The following DCDC1 variants were observed in gnomAD, a reference collection of about 807,000 sequenced individuals.
DCDC1 encodes the protein doublecortin domain-containing protein 1.
DCDC1 carries 200 observed loss-of-function variants against 178.3 expected under a neutral mutation model. The ratio of observed to expected loss-of-function variants is 1.12; its 90% CI spans 1.00 to 1.26. DCDC1 has a LOEUF of 1.26. Among genes scored for constraint, DCDC1 ranks in the 50% most tolerant of loss-of-function variants. DCDC1 has a pLI of 0.00. For synonymous variants in DCDC1, 690 were observed against 604.8 expected, an observed-to-expected ratio of 1.14 and a Z score of -2.07; for missense variants, 1,983 against 1,749.2, an observed-to-expected ratio of 1.13 and a Z score of -2.38.
At chr11:30,913,338 G>A (rs1945589184) in intron 27 of DCDC1, among the ~76,000 whole-genome samples, 1 of 152,032 alleles carries the variant, frequency 6.6e-6, no homozygotes, top group Non-Finnish European at 1.5e-5. Flanking sequence ...GAACCCGGGA[G>A]GCGGAGCTTG....
chr11:31,073,538 G>A (rs1011485028), intron 18 of DCDC1, among the ~76,000 whole-genome samples: 9 of 152,234 alleles, frequency 5.9e-5, no homozygotes, highest in South Asian at 2.1e-4. Context: ...GCAGGCACAA[G>A]CCAAACAGCT....
intron 20 of DCDC1, among the ~76,000 whole-genome samples, chr11:31,005,106 C>T (rs187430276): frequency 6.2e-4 from 94 of 152,236 alleles, no homozygotes; most frequent in African/African-American, 2.2e-3. Context: ...CTGTTATTTA[C>T]GTATGTTACC....
intron 8 of DCDC1, among the ~76,000 whole-genome samples, chr11:31,262,134 G>A (rs1944830967): frequency 6.6e-6 from 1 of 152,092 alleles, no homozygotes; most frequent in Admixed American, 6.5e-5. Context: ...AGGCACAGTG[G>A]CCTGCACCTG....
chr11:31,286,737 A>C (rs1234911855), intron 7 of DCDC1, among the ~76,000 whole-genome samples: 2 of 152,094 alleles, frequency 1.3e-5, no homozygotes, highest in Non-Finnish European at 2.9e-5. Context: ...GGCTGAAAAC[A>C]GGTTGACTAT....
At chr11:31,356,175 A>G (rs1032571371) in intron 1 of DCDC1, among the ~76,000 whole-genome samples, 3 of 152,206 alleles carry the variant, frequency 2.0e-5, no homozygotes, top group African/African-American at 7.2e-5. Context: ...AAAAAGAACA[A>G]GGGGGAATTT....
intron 11 of DCDC1, among the ~76,000 whole-genome samples, chr11:31,113,835 T>C (rs1959407704): frequency 6.6e-6 from 1 of 152,198 alleles, no homozygotes; most frequent in Non-Finnish European, 1.5e-5. Context: ...CACAATTTCA[T>C]TGGTCATTTC....
intron 20 of DCDC1, among the ~76,000 whole-genome samples, chr11:30,953,083 C>A (rs1171823499): frequency 2.6e-5 from 4 of 151,590 alleles, no homozygotes; most frequent in Non-Finnish European, 1.5e-5. Flanking sequence ...ACATATCTTT[C>A]TCAACAATTC....
intron 20 of DCDC1, among the ~76,000 whole-genome samples, chr11:31,044,388 A>T (rs1439693001): frequency 5.3e-5 from 8 of 151,184 alleles, no homozygotes; most frequent in Admixed American, 1.3e-4. Flanking sequence ...GAGGCAGGAG[A>T]ATGGGCATGA....
At chr11:30,991,931 A>T (rs1330511854) in intron 20 of DCDC1, among the ~76,000 whole-genome samples, 2 of 152,226 alleles carry the variant, frequency 1.3e-5, no homozygotes, top group Admixed American at 6.5e-5. Context: ...AGAATATCAT[A>T]TACTTCACCC....
intron 20 of DCDC1, among the ~76,000 whole-genome samples, chr11:31,035,975 G>A (rs562494606): frequency 1.1e-4 from 16 of 152,052 alleles, no homozygotes; most frequent in African/African-American, 3.4e-4. Context: ...TGCTCAAATC[G>A]TTCCAGCTTT....
At chr11:31,337,419 G>A (rs146668141) in intron 1 of DCDC1, among the ~76,000 whole-genome samples, 59 of 152,266 alleles carry the variant, frequency 3.9e-4, no homozygotes, top group African/African-American at 1.3e-3. Flanking sequence ...CTGTAATCCC[G>A]ACACTGTGGG....
In DCDC1 at chr11:30,900,334, C is replaced by A; in HGVS notation, c.4663+12G>T. 1.3e-6 allele frequency: 2 copies of A among 1,499,868 alleles called. No individual in the cohort carries two copies. The highest frequency in any genetic ancestry group is 1.8e-6 in the Non-Finnish European group (2 of 1,124,462). The allele number at this position is 1,499,868 out of a possible 1,614,324, so 92.9% of individuals were successfully genotyped here. On this transcript the variant is annotated intron_variant, in intron 33 of 38. Coordinates refer to ENST00000684477, the MANE Select transcript of DCDC1 (RefSeq NM_001387274.1). ...ATACTTGCTTGAAAGAAAGCAAAAA[C>A]AAAAAAGTTACCATTTGGAGGTAGA...
In DCDC1 at chr11:30,903,478, C is replaced by A. The variant is rs1259270169; in HGVS notation, c.4510+4G>T. On this transcript the variant is annotated splice_donor_region_variant and intron_variant, in intron 32 of 38. Coordinates refer to ENST00000684477, the MANE Select transcript of DCDC1 (RefSeq NM_001387274.1). ...TCAGCTAAATGCTGTAGATTGTAGC[C>A]AACCTTCCATACTTTCAACAATTAT... is the stretch of plus-strand genomic sequence containing the variant. The A allele has an allele frequency of 6.9e-6, 11 of 1,584,360 alleles. No homozygotes were observed. Among genetic ancestry groups the A allele is most frequent in the Middle Eastern group, 1.7e-4 (1 of 5,856 alleles).
At position 30,925,360 on chromosome 11, in the gene DCDC1, A is replaced by G. The variant is rs144747891; in HGVS notation, c.2946T>C (p.Asn982=). The G allele has an allele frequency of 6.2e-7, 1 of 1,613,638 alleles. No homozygotes were observed. Among genetic ancestry groups the G allele is most frequent in the Non-Finnish European group, 8.5e-7 (1 of 1,179,756 alleles). The change falls in exon 23 of 39, where the codon AAT becomes AAC. Residue 982 remains asparagine, a synonymous_variant. Coordinates refer to ENST00000684477, the MANE Select transcript of DCDC1 (RefSeq NM_001387274.1). ...NLPSAARRLY[N]EKGKEIFALK... is the part of the protein sequence containing the mutation. ...AGGCAAATATTTCCTTCCCCTTTTC[A>G]TTGTACAATCTCCGAGCTGCAGAAG...
intron 3 of DCDC1, among the ~76,000 whole-genome samples, chr11:31,308,912 G>A (rs1462123147): frequency 6.6e-6 from 1 of 151,786 alleles, no homozygotes; most frequent in African/African-American, 2.4e-5. Flanking sequence ...AATAGTTATT[G>A]CATAATATAA....
chr11:30,953,811 T>A (rs532435638), intron 20 of DCDC1, among the ~76,000 whole-genome samples: 9 of 152,096 alleles, frequency 5.9e-5, no homozygotes, highest in Admixed American at 3.9e-4. Flanking sequence ...CTATTAATAG[T>A]AGGCAAAAAG....
intron 20 of DCDC1, among the ~76,000 whole-genome samples, chr11:30,976,244 AC>A (rs1950096206): frequency 6.6e-6 from 1 of 152,084 alleles, no homozygotes; most frequent in South Asian, 2.1e-4. Context: ...CTAGAAGAAA[AC>A]AAAAAGCACT....
chr11:31,096,325 C>T (rs1054223588), intron 15 of DCDC1, among the ~76,000 whole-genome samples: 1 of 152,178 alleles, frequency 6.6e-6, no homozygotes, highest in African/African-American at 2.4e-5. Context: ...CCACAGGACT[C>T]AGCATTTAAA....
At chr11:31,306,958 G>C (rs750823221) in intron 4 of DCDC1, among the ~76,000 whole-genome samples, 1 of 152,078 alleles carries the variant, frequency 6.6e-6, no homozygotes, top group Non-Finnish European at 1.5e-5. Context: ...TTTGTCTTCA[G>C]GCAAAACTAA....
Sources: gnomAD v4.1 joint callset for allele counts (sites outside exome capture counted in the v4.1 genomes callset) on GRCh38, gnomAD v4.1.1 for gene constraint, MANE v1.5 for transcripts, NCBI Gene and HGNC (gene_info 2026-07-23, HGNC 2026-07-21) for gene names.